The following FILIP1 variants were observed in gnomAD, a reference collection of about 807,000 sequenced individuals.
FILIP1 encodes the protein filamin A interacting protein 1.
FILIP1 carries 61 observed loss-of-function variants against 102.1 expected under a neutral mutation model. The ratio of observed to expected loss-of-function variants is 0.60; its 90% confidence interval spans 0.49 to 0.74. The LOEUF is 0.74. Among genes scored for constraint, FILIP1 ranks in the 30% least tolerant of loss-of-function variants. FILIP1 has a pLI of 0.00. For missense variants in FILIP1, 1,314 were observed against 1,441.2 expected (o/e 0.91, Z 1.43); for synonymous variants, 491 against 526.9 (o/e 0.93, Z 0.93).
At position 75,466,168 on chromosome 6, in the gene FILIP1, G is replaced by A. The variant is rs75762697; in HGVS notation, c.-7+27246C>T. On this transcript the variant is annotated intron_variant, in intron 1 of 5. Transcript: ENST00000237172. ...TTATAATCTTCATTTCCCTACTCAC[G>A]CTCAGCACTTCTGATTCCCCTTACC... is the stretch of plus-strand genomic sequence containing the variant. Among the ~76,000 whole-genome samples, 711 of 152,126 alleles carry A rather than the reference G, an allele frequency of 4.7e-3. 5 individuals carry two copies. Among genetic ancestry groups the A allele is most frequent in the African/African-American group, 0.016 (666 of 41,502 alleles).
At chr6:75,435,422 T>A (rs1777986271) in intron 1 of FILIP1, among the ~76,000 whole-genome samples, 1 of 152,256 alleles carries the variant, frequency 6.6e-6, no homozygotes, top group African/African-American at 2.4e-5. Context: ...GGTAAATTAT[T>A]GTTAGGGACT....
intron 1 of FILIP1, among the ~76,000 whole-genome samples, chr6:75,471,735 T>C (rs1779337500): frequency 6.6e-6 from 1 of 152,182 alleles, no homozygotes; most frequent in African/African-American, 2.4e-5. Flanking sequence ...TGGAAGACCA[T>C]GCTGCAATTT....
At chr6:75,380,251 AG>A (rs1213580574) in intron 2 of FILIP1, among the ~76,000 whole-genome samples, 1 of 149,036 alleles carries the variant, frequency 6.7e-6, no homozygotes, top group Non-Finnish European at 1.5e-5. Flanking sequence ...TGAAAGATAT[AG>A]GGTAACTATA....
At chr6:75,464,357 C>T (rs537297726) in intron 1 of FILIP1, among the ~76,000 whole-genome samples, 10 of 152,316 alleles carry the variant, frequency 6.6e-5, no homozygotes, top group African/African-American at 2.4e-4. Context: ...ATAATACCAG[C>T]ATTTGTCCTA....
chr6:75,422,859 T>G (rs1434249227), intron 1 of FILIP1, among the ~76,000 whole-genome samples: 1 of 152,188 alleles, frequency 6.6e-6, no homozygotes, highest in Non-Finnish European at 1.5e-5. Flanking sequence ...AATCAATTAT[T>G]ACTTGTTATT....
downstream of FILIP1, among the ~76,000 whole-genome samples, chr6:75,307,491 G>C (rs931020189): frequency 1.3e-5 from 2 of 152,106 alleles, no homozygotes; most frequent in African/African-American, 2.4e-5. Context: ...GTCAGCAAAG[G>C]TGCAGCCTAC....
chr6:75,316,492 GTGT>G (rs1041757261), intron 4 of FILIP1, among the ~76,000 whole-genome samples: 1 of 150,754 alleles, frequency 6.6e-6, no homozygotes, highest in African/African-American at 2.5e-5. Context: ...AAATATTTGT[GTGT>G]TTTTTTTTTA....
intron 1 of FILIP1, chr6:75,453,968 C>T (rs950912629): frequency 2.2e-6 from 1 of 456,650 alleles, no homozygotes; most frequent in Non-Finnish European, 4.4e-6. Context: ...TCTATTGCTG[C>T]CATGACAAAT....
At position 75,312,437 on chromosome 6, in the gene FILIP1, G is replaced by C. The variant is rs764197668; in HGVS notation, c.3395C>G (p.Thr1132Arg). ...TCGAGCAGATGACGTTGTGACCGGTGTTATGGTGATAGTGCTCGTCACTTT... is the reference window on the plus strand; with the variant it reads ...TCGAGCAGATGACGTTGTGACCGGTCTTATGGTGATAGTGCTCGTCACTTT... Reference protein sequence around the residue: ...ASKVTSTITITPVTTSSARGT... With the variant: ...ASKVTSTITIRPVTTSSARGT... The change falls in exon 5 of 6, where the codon ACA (threonine) becomes AGA (arginine). Residue 1132 changes from threonine to arginine, a missense_variant. Transcript: ENST00000237172. The C allele has an allele frequency of 1.2e-6, 2 of 1,614,156 alleles. No individual in the cohort carries two copies. Among genetic ancestry groups the C allele is most frequent in the Non-Finnish European group, 1.7e-6 (2 of 1,180,026 alleles).
intron 1 of FILIP1, among the ~76,000 whole-genome samples, chr6:75,460,731 G>T (rs1177133069): frequency 6.6e-6 from 1 of 152,054 alleles, no homozygotes; most frequent in African/African-American, 2.4e-5. Context: ...ATAGGTTTTT[G>T]TGCATCTCAT....
chr6:75,492,237 C>T (rs906208773), intron 1 of FILIP1, among the ~76,000 whole-genome samples: 9 of 152,086 alleles, frequency 5.9e-5, no homozygotes, highest in Admixed American at 5.9e-4. Context: ...GCTATATAAG[C>T]TTTAATTAGC....
intron 1 of FILIP1, among the ~76,000 whole-genome samples, chr6:75,485,879 A>G (rs1779769982): frequency 6.6e-6 from 1 of 151,896 alleles, no homozygotes; most frequent in Non-Finnish European, 1.5e-5. Flanking sequence ...CAGAATAGCA[A>G]CTCACTACCA....
At chr6:75,442,162 C>T (rs1478073146) in intron 1 of FILIP1, among the ~76,000 whole-genome samples, 3 of 151,478 alleles carry the variant, frequency 2.0e-5, no homozygotes, top group Admixed American at 2.0e-4. Flanking sequence ...AATGGGTGGC[C>T]GGGCAGAGAC....
intron 5 of FILIP1, among the ~76,000 whole-genome samples, chr6:75,310,359 AG>A (rs1027560714): frequency 6.6e-6 from 1 of 152,264 alleles, no homozygotes; most frequent in Non-Finnish European, 1.5e-5. Context: ...GAACTTCTAC[AG>A]TCCTGGCTTC....
chr6:75,423,434 A>C (rs890990512), intron 1 of FILIP1, among the ~76,000 whole-genome samples: 9 of 152,098 alleles, frequency 5.9e-5, no homozygotes, highest in African/African-American at 2.4e-5. Context: ...GGTTGGACTC[A>C]GAAGAAGCTC....
At chr6:75,359,434 G>T (rs903197197) in intron 3 of FILIP1, among the ~76,000 whole-genome samples, 7 of 152,082 alleles carry the variant, frequency 4.6e-5, no homozygotes, top group African/African-American at 7.2e-5. Context: ...ATGTGGGTGT[G>T]GTTAATGGAA....
chr6:75,335,927 A>G (rs183837239), intron 4 of FILIP1, among the ~76,000 whole-genome samples: 3 of 152,352 alleles, frequency 2.0e-5, no homozygotes, highest in African/African-American at 7.2e-5. Flanking sequence ...ACTGAATATA[A>G]TAATTACTTC....
At chr6:75,466,085 AG>A (rs1779158000) in intron 1 of FILIP1, among the ~76,000 whole-genome samples, 1 of 152,108 alleles carries the variant, frequency 6.6e-6, no homozygotes. Flanking sequence ...ACCTCTTTCA[AG>A]TCTTTGCTCA....
intron 2 of FILIP1, among the ~76,000 whole-genome samples, chr6:75,402,381 A>G (rs966861474): frequency 2.6e-5 from 4 of 152,180 alleles, no homozygotes; most frequent in Non-Finnish European, 5.9e-5. Context: ...AAACTTAGCA[A>G]AGACATGCCA....
Sources: allele counts gnomAD v4.1 joint callset (sites outside exome capture counted in the v4.1 genomes callset), GRCh38; gene constraint gnomAD v4.1.1; transcripts MANE v1.5; gene names NCBI Gene and HGNC (gene_info 2026-07-23, HGNC 2026-07-21).